Variants in CEP83 observed in about 807,000 individuals in gnomAD.
CEP83 encodes centrosomal protein of 83 kDa.
Under a neutral mutation model 101.9 loss-of-function variants are expected in CEP83, and 70 were observed. The observed-to-expected ratio is 0.69, with a 90% CI of 0.57 to 0.84. The LOEUF is 0.84. Ranked by LOEUF, CEP83 falls within the 40% of genes least tolerant of loss-of-function variation. The probability of loss-of-function intolerance (pLI) is 0.00; values close to 1 mark genes in which losing one functional copy is unlikely to be tolerated. For synonymous variants in CEP83, 264 were observed against 267.9 expected (o/e 0.99, Z 0.14); for missense variants, 715 against 787.2 (o/e 0.91, Z 1.10).
At chr12:94,346,374 T>C (rs1304566701) in intron 11 of CEP83, among the ~76,000 whole-genome samples, 1 of 151,510 alleles carries the variant, frequency 6.6e-6, no homozygotes, top group African/African-American at 2.4e-5. Context: ...CATCTAGCTG[T>C]TTATTTGTAT....
chr12:94,268,764 C>T, the CEP83 span, among the ~76,000 whole-genome samples: 2 of 151,690 alleles, frequency 1.3e-5, no homozygotes, highest in Non-Finnish European at 2.9e-5. Context: ...CAGGCTAATG[C>T]TTGTATTTTT....
At chr12:94,333,062 A>AAAAAAAAAAAAAAAAAC (rs1565926899) in intron 13 of CEP83, among the ~76,000 whole-genome samples, 1 of 150,816 alleles carries the variant, frequency 6.6e-6, no homozygotes, top group Non-Finnish European at 1.5e-5. Context: ...AAAAAAAAAA[A>AAAAAAAAAAAAAAAAAC]AAACAAATAA....
chr12:94,417,411 AG>A (rs2064362034), intron 2 of CEP83, among the ~76,000 whole-genome samples: 1 of 152,176 alleles, frequency 6.6e-6, no homozygotes, highest in African/African-American at 2.4e-5. Context: ...CTACCAGAAA[AG>A]TGTCAGAAAA....
chr12:94,381,829 G>T (rs1165019983), intron 6 of CEP83, among the ~76,000 whole-genome samples: 1 of 151,880 alleles, frequency 6.6e-6, no homozygotes. Context: ...TCAGATAATG[G>T]CAGGTTCACA....
chr12:94,339,672 A>ACT lies in CEP83; in HGVS notation c.1344-4010_1344-4009dup, dbSNP rs57218539. ...TGTATTTTTCTACTGTGATTTCTCT[A>ACT]CTGTCAAAGAGTCCTACAAGTCTCA... On this transcript the variant is annotated intron_variant, in intron 11 of 16. Coordinates refer to ENST00000397809, the MANE Select transcript of CEP83 (RefSeq NM_016122.3). 9.8e-4 allele frequency among the ~76,000 whole-genome samples: 150 copies of ACT among 152,304 alleles called. 2 individuals are homozygous for ACT. In the East Asian group the frequency reaches 0.027, roughly 28 times the overall value.
the CEP83 span, among the ~76,000 whole-genome samples, chr12:94,300,054 T>C: frequency 6.6e-6 from 1 of 152,194 alleles, no homozygotes; most frequent in Non-Finnish European, 1.5e-5. Flanking sequence ...TGGAAGGACT[T>C]TGAACCAGTC....
the CEP83 span, among the ~76,000 whole-genome samples, chr12:94,289,544 CCCTG>C: frequency 2.8e-4 from 42 of 152,258 alleles, no homozygotes; most frequent in Middle Eastern, 0.014. Flanking sequence ...AGAGGACGCT[CCCTG>C]CCTCACAGGA....
At position 94,379,029 on chromosome 12, in the gene CEP83, T is replaced by A; in HGVS notation, c.563A>T (p.Glu188Val). The A allele has an allele frequency of 6.2e-7, 1 of 1,605,744 alleles. No individual in the cohort carries two copies. Among genetic ancestry groups the A allele is most frequent in the Non-Finnish European group, 8.5e-7 (1 of 1,174,566 alleles). The change falls in exon 7 of 17, where the codon GAG (glutamate) becomes GTG (valine). Residue 188 changes from glutamate to valine, a missense_variant. Physicochemically the swap from Glu to Val is moderately radical, Grantham distance 121. Transcript: ENST00000397809. ...IKYESEIARLEEDKEELRNQL... is the reference protein window; with the variant it reads ...IKYESEIARLVEDKEELRNQL... ...GTTACGTAGTTCTTCTTTATCTTCC[T>A]CCAGTCTTGCAATCTAATAATAATT... is the stretch of plus-strand genomic sequence containing the variant.
intron 11 of CEP83, among the ~76,000 whole-genome samples, chr12:94,359,190 C>G (rs959389921): frequency 6.6e-6 from 1 of 152,198 alleles, no homozygotes; most frequent in Non-Finnish European, 1.5e-5. Context: ...GCTCTCAGCT[C>G]TGAAGGTTGT....
At chr12:94,306,330 A>ATACAACTTGGTATC (rs1454137636), downstream of CEP83, 1 of 152,192 alleles carries the variant, frequency 6.6e-6, no homozygotes, top group Non-Finnish European at 1.5e-5. Context: ...AAATATTAGT[A>ATACAACTTGGTATC]TACAACTTGG....
At chr12:94,288,788 C>T in the CEP83 span, among the ~76,000 whole-genome samples, 1 of 152,212 alleles carries the variant, frequency 6.6e-6, no homozygotes, top group Non-Finnish European at 1.5e-5. Flanking sequence ...AATATTGGCA[C>T]GTGGCTGCTG....
chr12:94,296,521 C>G, the CEP83 span, among the ~76,000 whole-genome samples: 2 of 152,170 alleles, frequency 1.3e-5, no homozygotes, highest in African/African-American at 4.8e-5. Flanking sequence ...TTACCACTCC[C>G]TTACCCTTTA....
chr12:94,441,233 G>C (rs1354398692), intron 1 of CEP83, among the ~76,000 whole-genome samples: 1 of 152,178 alleles, frequency 6.6e-6, no homozygotes, highest in African/African-American at 2.4e-5. Context: ...AGAGTGAACA[G>C]GCAACCCACA....
At chr12:94,307,383 A>G (rs571593562), downstream of CEP83, 3 of 152,326 alleles carry the variant, frequency 2.0e-5, no homozygotes, top group Non-Finnish European at 2.9e-5. Flanking sequence ...TGGCCAAATT[A>G]GATGTGTGCT....
intron 14 of CEP83, among the ~76,000 whole-genome samples, chr12:94,314,878 C>T (rs920563679): frequency 1.3e-5 from 2 of 152,168 alleles, no homozygotes; most frequent in Admixed American, 1.3e-4. Flanking sequence ...TCTTTTGTAT[C>T]TGGACTTTTT....
Position 94,335,666 on chromosome 12 carries a change from TA to T in CEP83, c.1344-3del. The T allele has an allele frequency of 6.4e-7, 1 of 1,566,492 alleles. No individual in the cohort carries two copies. Among genetic ancestry groups the T allele is most frequent in the Non-Finnish European group, 8.7e-7 (1 of 1,151,438 alleles). On this transcript the variant is annotated splice_polypyrimidine_tract_variant and splice_region_variant and intron_variant, in intron 11 of 16. Coordinates refer to ENST00000397809, the MANE Select transcript of CEP83 (RefSeq NM_016122.3). ...ACAATTTGTTGCTGAAGTTTTAACC[TA>T]AAAATCACAACCCAACAAAAGGCAT...
At chr12:94,320,814 G>C (rs957104433) in intron 14 of CEP83, among the ~76,000 whole-genome samples, 1 of 152,082 alleles carries the variant, frequency 6.6e-6, no homozygotes, top group Non-Finnish European at 1.5e-5. Context: ...TTCTCCAAGT[G>C]CCTTTAATAT....
At chr12:94,332,241 A>T (rs1299838751) in intron 13 of CEP83, among the ~76,000 whole-genome samples, 2 of 152,244 alleles carry the variant, frequency 1.3e-5, no homozygotes, top group Non-Finnish European at 2.9e-5. Context: ...TGGTTTAAGA[A>T]AATCAAGCCT....
chr12:94,384,000 G>A (rs974272750), intron 6 of CEP83, among the ~76,000 whole-genome samples: 1 of 152,056 alleles, frequency 6.6e-6, no homozygotes, highest in Non-Finnish European at 1.5e-5. Context: ...GAAAATTCAT[G>A]AAGCAAAAGG....
Sources: gnomAD v4.1 joint callset for allele counts (sites outside exome capture counted in the v4.1 genomes callset) on GRCh38, gnomAD v4.1.1 for gene constraint, MANE v1.5 for transcripts, NCBI Gene and HGNC (gene_info 2026-07-23, HGNC 2026-07-21) for gene names.